Variants in RBFOX1 observed in about 807,000 individuals in gnomAD.
The protein encoded by RBFOX1 is RNA binding fox-1 homolog 1.
In RBFOX1, 8 loss-of-function variants were observed where a neutral mutation model predicts 57.7. The ratio of observed to expected loss-of-function variants is 0.14; its 90% CI spans 0.08 to 0.25. The LOEUF (loss-of-function observed/expected upper bound fraction) is 0.25, where lower values mean the gene tolerates loss of function less well. RBFOX1 is among the 10% of genes least tolerant of loss of function. The probability of loss-of-function intolerance (pLI) is 1.00; values close to 1 mark genes in which losing one functional copy is unlikely to be tolerated. For missense variants in RBFOX1, 611 were observed against 548.5 expected (o/e 1.11, Z -1.14); for synonymous variants, 326 against 222.4 (o/e 1.47, Z -4.15).
At chr16:7,449,312 C>G (rs2150146288) in intron 4 of RBFOX1, among the ~76,000 whole-genome samples, 1 of 152,162 alleles carries the variant, frequency 6.6e-6, no homozygotes, top group Non-Finnish European at 1.5e-5. Context: ...CCTAGGTGGA[C>G]ATCTTTTTTG....
chr16:6,434,789 G>T (rs927561668), intron 2 of RBFOX1, among the ~76,000 whole-genome samples: 4 of 152,232 alleles, frequency 2.6e-5, no homozygotes, highest in Admixed American at 1.3e-4. Flanking sequence ...TTTAGAGAAT[G>T]ACCACCTGCA....
At chr16:5,318,925 C>G (rs1312382990) in intron 1 of RBFOX1, among the ~76,000 whole-genome samples, 1 of 151,972 alleles carries the variant, frequency 6.6e-6, no homozygotes, top group Non-Finnish European at 1.5e-5. Flanking sequence ...GAGGTTAGGA[C>G]TTTCAGCCTG....
intron 3 of RBFOX1, among the ~76,000 whole-genome samples, chr16:6,996,847 G>C (rs1053997428): frequency 2.0e-5 from 3 of 152,042 alleles, no homozygotes; most frequent in African/African-American, 7.2e-5. Context: ...TTGCTGAATG[G>C]GACACAGAGG....
At chr16:6,464,738 A>T (rs767239184) in intron 2 of RBFOX1, among the ~76,000 whole-genome samples, 1 of 152,230 alleles carries the variant, frequency 6.6e-6, no homozygotes, top group Non-Finnish European at 1.5e-5. Flanking sequence ...TGGATTACGG[A>T]TCATATGCAA....
intron 4 of RBFOX1, among the ~76,000 whole-genome samples, chr16:5,966,134 A>AT: frequency 6.6e-6 from 1 of 152,220 alleles, no homozygotes; most frequent in Non-Finnish European, 1.5e-5. Flanking sequence ...AAGTAAACAA[A>AT]TTGTAAATTC....
chr16:5,647,627 A>G (rs552248753), intron 3 of RBFOX1, among the ~76,000 whole-genome samples: 1 of 152,300 alleles, frequency 6.6e-6, no homozygotes, highest in South Asian at 2.1e-4. Flanking sequence ...AAAGAACAAG[A>G]AAAGAGTAGA....
At chr16:5,990,509 G>C (rs2060374355) in intron 4 of RBFOX1, among the ~76,000 whole-genome samples, 1 of 152,064 alleles carries the variant, frequency 6.6e-6, no homozygotes, top group Non-Finnish European at 1.5e-5. Context: ...TCTTTTTTCT[G>C]CCCTCCCAAG....
intron 1 of RBFOX1, among the ~76,000 whole-genome samples, chr16:6,248,978 A>G (rs950843449): frequency 4.6e-5 from 7 of 152,152 alleles, no homozygotes; most frequent in African/African-American, 1.7e-4. Flanking sequence ...GGTGGATGAG[A>G]CAGCCACAGT....
intron 3 of RBFOX1, among the ~76,000 whole-genome samples, chr16:5,730,360 G>A (rs1048118490): frequency 6.6e-6 from 1 of 152,186 alleles, no homozygotes; most frequent in African/African-American, 2.4e-5. Context: ...TGGAGAGAAT[G>A]AGCCTAGAGT....
intron 2 of RBFOX1, among the ~76,000 whole-genome samples, chr16:5,491,109 C>T (rs936485377): frequency 2.6e-5 from 4 of 152,102 alleles, no homozygotes; most frequent in African/African-American, 7.2e-5. Flanking sequence ...ACGGGACCAC[C>T]GTCATATCTG....
chr16:7,303,342 C>G (rs2096077880), intron 4 of RBFOX1, among the ~76,000 whole-genome samples: 1 of 152,164 alleles, frequency 6.6e-6, no homozygotes, highest in Non-Finnish European at 1.5e-5. Flanking sequence ...CCTAACGTCT[C>G]AGCACTCCAC....
chr16:5,548,173 AAATATAT>A (rs1196979023), intron 2 of RBFOX1, among the ~76,000 whole-genome samples: 800 of 33,386 alleles, frequency 0.024, 12 homozygotes, highest in African/African-American at 0.064. Context: ...AAAAAAAAAA[AAATATAT>A]ATATATATAT....
intron 3 of RBFOX1, chr16:5,632,411 A>G (rs1230620034): frequency 2.0e-5 from 3 of 152,284 alleles, no homozygotes; most frequent in African/African-American, 4.8e-5. Flanking sequence ...GCTACCCTGT[A>G]TGTTGTGGTG....
rs564880284 is a variant in RBFOX1 at position 7,601,975 on chromosome 16, G to C, written c.622+4544G>C. Among the ~76,000 whole-genome samples the C allele has an allele frequency of 4.9e-4, 75 of 152,332 alleles. 1 individual carries two copies. The highest frequency in any genetic ancestry group is 7.2e-4 in the Non-Finnish European group (49 of 68,028). Reference sequence around the variant, plus strand: ...ATTTGAGAGTTGCCACCTGTACCATGTCAGCTGCCAGGTCTCTGACATCCT... The same window carrying C: ...ATTTGAGAGTTGCCACCTGTACCATCTCAGCTGCCAGGTCTCTGACATCCT... On this transcript the variant is annotated intron_variant, in intron 9 of 15. Coordinates refer to ENST00000550418, the MANE Select transcript of RBFOX1 (RefSeq NM_018723.4).
chr16:6,985,261 G>A (rs1054348051), intron 3 of RBFOX1, among the ~76,000 whole-genome samples: 1 of 152,058 alleles, frequency 6.6e-6, no homozygotes, highest in East Asian at 1.9e-4. Context: ...CCACATATTG[G>A]TAGGGAATAT....
At chr16:7,684,803 C>A (rs1486306722) in intron 14 of RBFOX1, among the ~76,000 whole-genome samples, 2 of 151,958 alleles carry the variant, frequency 1.3e-5, no homozygotes, top group Non-Finnish European at 2.9e-5. Context: ...AATATGAGCC[C>A]AGGTAGTGGG....
intron 1 of RBFOX1, among the ~76,000 whole-genome samples, chr16:5,260,330 C>G (rs1000003427): frequency 6.6e-6 from 1 of 151,986 alleles, no homozygotes; most frequent in African/African-American, 2.4e-5. Context: ...AGAAATAAAC[C>G]TCCTAATATT....
chr16:7,149,052 C>G (rs2075607384), intron 4 of RBFOX1, among the ~76,000 whole-genome samples: 1 of 152,184 alleles, frequency 6.6e-6, no homozygotes, highest in African/African-American at 2.4e-5. Context: ...CAATTCTGCC[C>G]TTGTTCTTTT....
At chr16:6,279,357 C>T (rs2076151178) in intron 1 of RBFOX1, among the ~76,000 whole-genome samples, 2 of 152,166 alleles carry the variant, frequency 1.3e-5, no homozygotes, top group South Asian at 4.1e-4. Flanking sequence ...GTGGTGAAAA[C>T]CCTTTCTGCC....
Sources: allele counts gnomAD v4.1 joint callset (sites outside exome capture counted in the v4.1 genomes callset), GRCh38; gene constraint gnomAD v4.1.1; transcripts MANE v1.5; gene names NCBI Gene and HGNC (gene_info 2026-07-23, HGNC 2026-07-21).